Variants in TENM2 observed in about 807,000 individuals in gnomAD.
The protein encoded by TENM2 is teneurin transmembrane protein 2, also known as teneurin-2.
In TENM2, 52 loss-of-function variants were observed where a neutral mutation model predicts 245.2. The observed-to-expected ratio is 0.21, with a 90% CI of 0.17 to 0.27. The LOEUF (loss-of-function observed/expected upper bound fraction) is 0.27, where lower values mean the gene tolerates loss of function less well. TENM2 is among the 10% of genes least tolerant of loss of function. TENM2 has a pLI of 1.00. For missense variants in TENM2, 3,046 were observed against 3,666.8 expected, an observed-to-expected ratio of 0.83 and a Z score of 4.37; for synonymous variants, 1,363 against 1,438.9, an observed-to-expected ratio of 0.95 and a Z score of 1.19.
At chr5:167,308,250 A>C (rs1423569377) in intron 1 of TENM2, among the ~76,000 whole-genome samples, 1 of 152,122 alleles carries the variant, frequency 6.6e-6, no homozygotes, top group Non-Finnish European at 1.5e-5. Context: ...CTTTAAGCCT[A>C]ATCCTGATCA....
intron 4 of TENM2, among the ~76,000 whole-genome samples, chr5:167,971,066 C>T (rs909316877): frequency 2.6e-5 from 4 of 152,132 alleles, no homozygotes; most frequent in Admixed American, 6.5e-5. Context: ...CGATAATGTG[C>T]ATCTTCAAAT....
At chr5:168,250,104 GTGGA>G (rs57452450) in intron 27 of TENM2, among the ~76,000 whole-genome samples, 21,658 of 137,514 alleles carry the variant, frequency 0.16, 1,936 homozygotes, top group East Asian at 0.34. Flanking sequence ...GGCTGGATGA[GTGGA>G]TGGATGGATG....
At chr5:167,375,292 C>T in exon 2 of TENM2, 1 of 1,551,724 alleles carries the variant, frequency 6.4e-7, no homozygotes, top group Non-Finnish European at 8.7e-7. Context: ...ACCAGGGCTA[C>T]TCCCTTAGCA....
intron 2 of TENM2, among the ~76,000 whole-genome samples, chr5:167,494,181 A>G (rs375615483): frequency 2.6e-5 from 4 of 152,266 alleles, no homozygotes; most frequent in African/African-American, 4.8e-5. Context: ...CTCATGTGGA[A>G]CTTCAGATGG....
At chr5:167,248,782 GTA>G in the TENM2 span, among the ~76,000 whole-genome samples, 1 of 109,254 alleles carries the variant, frequency 9.2e-6, no homozygotes, top group African/African-American at 3.2e-5. Context: ...ATATATGTGT[GTA>G]TATATATATG....
intron 2 of TENM2, among the ~76,000 whole-genome samples, chr5:167,394,314 AG>A (rs1423363233): frequency 6.6e-6 from 1 of 152,152 alleles, no homozygotes; most frequent in African/African-American, 2.4e-5. Flanking sequence ...GTAAAAGATA[AG>A]GATCCAAATT....
intron 1 of TENM2, among the ~76,000 whole-genome samples, chr5:167,300,647 G>C (rs541948520): frequency 1.3e-5 from 2 of 152,070 alleles, no homozygotes; most frequent in Non-Finnish European, 2.9e-5. Context: ...TGGCATGGAG[G>C]GGGGTAAGAG....
chr5:167,983,818 CA>C lies in TENM2; in HGVS notation c.948-9125del, dbSNP rs377612838. Among the ~76,000 whole-genome samples the C allele has an allele frequency of 1.1e-4, 16 of 152,332 alleles. No homozygotes were observed. In the East Asian group the frequency reaches 2.5e-3, roughly 24 times the overall value. On this transcript the variant is annotated intron_variant, in intron 4 of 28. Transcript: ENST00000518659. ...CCTAGTCCCTTCTCTTCCTAGGGGA[CA>C]GTGAGTGGAGGTGCCTGCAATTCTC...
At chr5:167,378,275 A>G (rs1184215342) in intron 2 of TENM2, among the ~76,000 whole-genome samples, 2 of 152,120 alleles carry the variant, frequency 1.3e-5, no homozygotes, top group African/African-American at 2.4e-5. Flanking sequence ...CCCTAGATCA[A>G]TGTTGATTGT....
intron 2 of TENM2, among the ~76,000 whole-genome samples, chr5:167,529,179 AT>A (rs951371287): frequency 1.6e-4 from 24 of 150,990 alleles, no homozygotes; most frequent in East Asian, 2.0e-4. Flanking sequence ...AGTGAAGTGT[AT>A]TTTTTTTTCA....
At chr5:167,773,774 A>T (rs931312282) in intron 2 of TENM2, among the ~76,000 whole-genome samples, 1 of 152,154 alleles carries the variant, frequency 6.6e-6, no homozygotes, top group Non-Finnish European at 1.5e-5. Flanking sequence ...TCTGCTTGAT[A>T]ATAAAGCTTA....
Position 167,833,256 on chromosome 5 carries a change from A to G in TENM2, c.503-42730A>G, listed in dbSNP as rs6874058. On this transcript the variant is annotated intron_variant, in intron 2 of 28. Coordinates refer to ENST00000518659, the Ensembl canonical transcript of TENM2. Reference sequence around the variant, plus strand: ...AAAATGTATCCACAAACGTTATTAAAACTTGTTTAGTAATAATAGAATTAA... The same window carrying G: ...AAAATGTATCCACAAACGTTATTAAGACTTGTTTAGTAATAATAGAATTAA... 5.5e-3 allele frequency among the ~76,000 whole-genome samples: 831 copies of G among 152,292 alleles called. 8 individuals are homozygous for G. The highest frequency in any genetic ancestry group is 0.019 in the African/African-American group (785 of 41,554).
chr5:167,340,573 A>T (rs1222876171), intron 1 of TENM2, among the ~76,000 whole-genome samples: 1 of 152,108 alleles, frequency 6.6e-6, no homozygotes, highest in African/African-American at 2.4e-5. Flanking sequence ...CTTCCCTCTC[A>T]TGATCTCATT....
intron 2 of TENM2, among the ~76,000 whole-genome samples, chr5:167,800,911 A>G (rs866526855): frequency 6.6e-6 from 1 of 151,838 alleles, no homozygotes; most frequent in Non-Finnish European, 1.5e-5. Flanking sequence ...GTCCCAGTAG[A>G]TGAATAGGCT....
chr5:167,010,387 G>GA, the TENM2 span, among the ~76,000 whole-genome samples: 11 of 149,430 alleles, frequency 7.4e-5, no homozygotes, highest in South Asian at 4.2e-4. Flanking sequence ...CTGTCTCAAA[G>GA]AAAAAAAAAA....
chr5:167,812,671 T>A (rs1766726863), intron 2 of TENM2, among the ~76,000 whole-genome samples: 1 of 152,208 alleles, frequency 6.6e-6, no homozygotes, highest in South Asian at 2.1e-4. Flanking sequence ...GACAGTTGGC[T>A]GCAGCAGACA....
chr5:167,838,789 A>G (rs1666879402), intron 2 of TENM2, among the ~76,000 whole-genome samples: 1 of 152,160 alleles, frequency 6.6e-6, no homozygotes, highest in Non-Finnish European at 1.5e-5. Flanking sequence ...ATAAGTCTAA[A>G]GCAAAATTAT....
chr5:168,084,110 A>G (rs1045369002), intron 7 of TENM2, among the ~76,000 whole-genome samples: 1 of 152,122 alleles, frequency 6.6e-6, no homozygotes, highest in Non-Finnish European at 1.5e-5. Flanking sequence ...ATTCTTTATG[A>G]CTGCATAGTA....
chr5:167,388,323 A>C (rs947134797), intron 2 of TENM2, among the ~76,000 whole-genome samples: 5 of 151,920 alleles, frequency 3.3e-5, no homozygotes, highest in Admixed American at 6.6e-5. Flanking sequence ...GCATTGACTG[A>C]TCTTTTGTAT....
Sources: allele counts gnomAD v4.1 joint callset (sites outside exome capture counted in the v4.1 genomes callset), GRCh38; gene constraint gnomAD v4.1.1; transcripts MANE v1.5; gene names NCBI Gene and HGNC (gene_info 2026-07-23, HGNC 2026-07-21).